NDC1: variants seen among roughly 807,000 people sequenced by gnomAD.
NDC1 encodes nucleoporin NDC1.
A neutral mutation model predicts 89.8 loss-of-function variants in NDC1; 24 were observed. The observed-to-expected ratio is 0.27, with a 90% confidence interval of 0.19 to 0.38. The LOEUF is 0.38. Among genes scored for constraint, NDC1 ranks in the 10% least tolerant of loss-of-function variants. NDC1 has a pLI of 1.00. For synonymous variants in NDC1, 296 were observed against 284.8 expected, an observed-to-expected ratio of 1.04 and a Z score of -0.39; for missense variants, 728 against 797.6, an observed-to-expected ratio of 0.91 and a Z score of 1.05.
At chr1:53,808,287 C>T (rs977391696) in intron 7 of NDC1, among the ~76,000 whole-genome samples, 3 of 152,200 alleles carry the variant, frequency 2.0e-5, no homozygotes, top group Non-Finnish European at 4.4e-5. Context: ...AAAGCTAATG[C>T]TGCCATCTTT....
intron 6 of NDC1, among the ~76,000 whole-genome samples, chr1:53,810,543 G>A (rs1317292766): frequency 6.6e-6 from 1 of 151,896 alleles, no homozygotes. Flanking sequence ...AATGATCATA[G>A]TCACAAAAAT....
rs780817009 is a variant in NDC1 at position 53,796,925 on chromosome 1, C to T, written c.1442G>A (p.Gly481Glu). 6.2e-7 allele frequency: 1 copy of T among 1,613,886 alleles called. No homozygotes were observed. The highest frequency in any genetic ancestry group is 8.5e-7 in the Non-Finnish European group (1 of 1,180,012). Residue 481 changes from glycine to glutamate, a missense_variant, in exon 12 of 18, where the codon GGG becomes GAG. By Grantham distance (98) the Gly-to-Glu change is moderately conservative. Coordinates refer to ENST00000371429, the MANE Select transcript of NDC1 (RefSeq NM_018087.5). ...AGAAGCTGATGTCCACAATCTTGGCCCCCTTCTTATTAGCTGAGGACTTTG... is the reference window on the plus strand; with the variant it reads ...AGAAGCTGATGTCCACAATCTTGGCTCCCTTCTTATTAGCTGAGGACTTTG... The part of the protein sequence containing the change: ...SPQSPQLIRR[G>E]PRLWTSASDQ...
At chr1:53,783,581 T>C (rs1468126493) in intron 16 of NDC1, among the ~76,000 whole-genome samples, 1 of 152,184 alleles carries the variant, frequency 6.6e-6, no homozygotes, top group African/African-American at 2.4e-5. Context: ...CTTAAATTTG[T>C]CACCCAAAAG....
intron 16 of NDC1, among the ~76,000 whole-genome samples, chr1:53,779,515 A>G (rs188089191): frequency 1.3e-5 from 2 of 152,182 alleles, no homozygotes; most frequent in African/African-American, 4.8e-5. Context: ...CAGATCTCAC[A>G]CTTTGGCACA....
intron 16 of NDC1, among the ~76,000 whole-genome samples, chr1:53,784,790 CA>C (rs71063882): frequency 0.033 from 4,419 of 135,472 alleles, 97 homozygotes; most frequent in Middle Eastern, 0.05. Context: ...GACTCTGTCT[CA>C]AAAAAAAAAA....
chr1:53,769,767 A>G (rs1433886607), intron 17 of NDC1, among the ~76,000 whole-genome samples: 1 of 152,230 alleles, frequency 6.6e-6, no homozygotes, highest in Non-Finnish European at 1.5e-5. Flanking sequence ...CTAACAACAA[A>G]TGAAACCAAG....
chr1:53,805,656 C>T (rs1309966032), intron 9 of NDC1, among the ~76,000 whole-genome samples: 1 of 152,202 alleles, frequency 6.6e-6, no homozygotes, highest in East Asian at 1.9e-4. Flanking sequence ...GTTTTAGGGT[C>T]ATTACCAGCA....
At chr1:53,772,661 A>AATAACATAAC (rs369123839) in intron 16 of NDC1, among the ~76,000 whole-genome samples, 172 bp from the exon 17 acceptor site, 9,090 of 137,748 alleles carry the variant, frequency 0.066, 321 homozygotes, top group African/African-American at 0.089. Context: ...CCTGTCTCAA[A>AATAACATAAC]ATAACATAAC....
chr1:53,832,428 A>T, intron 3 of NDC1, 62 bp downstream of exon 3: 1 of 862,942 alleles, frequency 1.2e-6, no homozygotes, highest in Non-Finnish European at 1.9e-6. Flanking sequence ...AAAATGTACT[A>T]AGTCTTCCCT....
In NDC1 at chr1:53,797,127, T is replaced by A; in HGVS notation, c.1240A>T (p.Thr414Ser). Residue 414 changes from threonine to serine, a missense_variant, in exon 12 of 18, where the codon ACA becomes TCA. Thr to Ser is a moderately conservative substitution (Grantham distance 58, BLOSUM62 1). Coordinates refer to ENST00000371429, the MANE Select transcript of NDC1 (RefSeq NM_018087.5). ...LNSPEETAFQTPKSSQMPRPS... is the reference protein window; with the variant it reads ...LNSPEETAFQSPKSSQMPRPS... The stretch of plus-strand genomic sequence containing the variant: ...CGAGGCATCTGGCTAGATTTTGGTG[T>A]CTGAAAAGCAGTTTCTTCTGTAAAA... 7 of 1,614,010 alleles carry A rather than the reference T, an allele frequency of 4.3e-6. No individual in the cohort carries two copies. Among genetic ancestry groups the A allele is most frequent in the Non-Finnish European group, 5.1e-6 (6 of 1,179,882 alleles).
At position 53,809,731 on chromosome 1, in the gene NDC1, G is replaced by C. The variant is rs751537502; in HGVS notation, c.719C>G (p.Ala240Gly). Residue 240 changes from alanine (A) to glycine (G), a missense_variant, in exon 7 of 18, where the codon GCT becomes GGT. Ala to Gly is a moderately conservative substitution (Grantham distance 60, BLOSUM62 0). Transcript: ENST00000371429. ...AAGGTTCATAGCAGTGCTAATCCAA[G>C]CTTTGGGAATATAGCCTGAAGGGAA... Reference protein sequence around the residue: ...LYYFLGYIPKAWISTAMNLHI... With the variant: ...LYYFLGYIPKGWISTAMNLHI... The C allele has an allele frequency of 9.9e-6, 16 of 1,612,474 alleles. No homozygotes were observed. Among genetic ancestry groups the C allele is most frequent in the Non-Finnish European group, 1.4e-5 (16 of 1,178,902 alleles).
chr1:53,791,846 A>G (rs981725999), intron 14 of NDC1, among the ~76,000 whole-genome samples: 22 of 152,322 alleles, frequency 1.4e-4, no homozygotes, highest in Non-Finnish European at 2.4e-4. Flanking sequence ...ATAAAAAGAC[A>G]TATCTCACAG....
In NDC1 at chr1:53,808,501, A is replaced by C. The variant is rs1648191413; in HGVS notation, c.756-710T>G. ...CCTCTTAGTCCTATTACAATTTTTA[A>C]AACAGCTTACATTAGGAGTGCCCAG... On this transcript the variant is annotated intron_variant, in intron 7 of 17. Transcript: ENST00000371429. Among the ~76,000 whole-genome samples the C allele has an allele frequency of 3.3e-5, 5 of 152,308 alleles. No individual in the cohort carries two copies. In the South Asian group the frequency reaches 1.0e-3, roughly 32 times the overall value.
chr1:53,829,706 C>G (rs1274366822), intron 3 of NDC1, among the ~76,000 whole-genome samples: 2 of 152,238 alleles, frequency 1.3e-5, no homozygotes, highest in Non-Finnish European at 2.9e-5. Flanking sequence ...TTAAGAAGGA[C>G]TGGCTGGGGA....
chr1:53,800,371 C>T (rs1021741510), intron 11 of NDC1, among the ~76,000 whole-genome samples: 1 of 117,554 alleles, frequency 8.5e-6, no homozygotes, highest in Non-Finnish European at 1.6e-5. Flanking sequence ...CAGTCTCACT[C>T]TGTCGCCAGG....
chr1:53,800,606 T>G, intron 11 of NDC1, 87 bp downstream of exon 11: 293 of 1,464,390 alleles, frequency 2.0e-4, no homozygotes, highest in Non-Finnish European at 2.5e-4. Flanking sequence ...ATAACAGGCG[T>G]GAGCCACAGC....
intron 16 of NDC1, among the ~76,000 whole-genome samples, chr1:53,773,787 C>A (rs1378436576): frequency 1.3e-5 from 2 of 152,128 alleles, no homozygotes; most frequent in African/African-American, 4.8e-5. Context: ...GGCTTTGGAA[C>A]TCATCCCTCT....
At chr1:53,780,102 C>A (rs1381156192) in intron 16 of NDC1, among the ~76,000 whole-genome samples, 1 of 152,046 alleles carries the variant, frequency 6.6e-6, no homozygotes, top group Non-Finnish European at 1.5e-5. Flanking sequence ...GCTGTTGTTG[C>A]CCAGGCTGAA....
chr1:53,777,392 G>C (rs758164447), intron 16 of NDC1, among the ~76,000 whole-genome samples: 1 of 151,952 alleles, frequency 6.6e-6, no homozygotes, highest in South Asian at 2.1e-4. Context: ...AAAGAATAAA[G>C]GTCATAAAAT....
Sources: allele counts gnomAD v4.1 joint callset (sites outside exome capture counted in the v4.1 genomes callset), GRCh38; gene constraint gnomAD v4.1.1; transcripts MANE v1.5; gene names NCBI Gene and HGNC (gene_info 2026-07-23, HGNC 2026-07-21).